Variants in R3HDM1 observed in about 807,000 individuals in gnomAD.
The protein encoded by R3HDM1 is R3H domain containing 1.
Under a neutral mutation model 141.1 loss-of-function variants are expected in R3HDM1, and 46 were observed. The observed-to-expected ratio is 0.33, with a 90% CI of 0.26 to 0.42. The LOEUF (loss-of-function observed/expected upper bound fraction) is 0.42. R3HDM1 is among the 10% of genes least tolerant of loss of function. The pLI is 1.00. For synonymous variants in R3HDM1, 435 were observed against 472.9 expected (o/e 0.92, Z 1.04); for missense variants, 1,184 against 1,368.3 (o/e 0.87, Z 2.12).
chr2:135,661,454 G>T, intron 19 of R3HDM1, 61 bp downstream of exon 19: 2 of 1,570,316 alleles, frequency 1.3e-6, no homozygotes, highest in Non-Finnish European at 1.7e-6. Context: ...TTCTATTTCA[G>T]TGTTGCTCTT....
intron 1 of R3HDM1, among the ~76,000 whole-genome samples, chr2:135,582,516 G>T (rs1360987657): frequency 5.9e-5 from 9 of 152,110 alleles, no homozygotes; most frequent in Admixed American, 5.9e-4. Context: ...TTGTGTCCCT[G>T]GGCTGTTGGC....
At chr2:135,640,843 A>G (rs930239377) in intron 14 of R3HDM1, among the ~76,000 whole-genome samples, 69 of 152,336 alleles carry the variant, frequency 4.5e-4, no homozygotes, top group African/African-American at 1.7e-3. Context: ...AAAATGGAAT[A>G]AATTGCAGGG....
At position 135,584,979 on chromosome 2, in the gene R3HDM1, C is replaced by A. The variant is rs541598360; in HGVS notation, c.-249-17521C>A. ...AATCATTTATACCCTTTGGCAAAAG[C>A]AGTAGCTCTTTATGGAAAAAAGTTA... On this transcript the variant is annotated intron_variant, in intron 1 of 26. Coordinates refer to ENST00000683871, the MANE Select transcript of R3HDM1 (RefSeq NM_001378107.1). Among the ~76,000 whole-genome samples, 31 of 152,292 alleles carry A rather than the reference C, an allele frequency of 2.0e-4. No individual in the cohort carries two copies. The South Asian group carries it at 6.2e-3, about 31-fold the overall frequency.
intron 21 of R3HDM1, among the ~76,000 whole-genome samples, chr2:135,695,061 C>T (rs1039474341): frequency 2.6e-5 from 4 of 152,106 alleles, no homozygotes; most frequent in African/African-American, 4.8e-5. Context: ...TGCCCGCCCC[C>T]CAAAAGCATT....
In R3HDM1 at chr2:135,539,665, A is replaced by G. The variant is rs191552436; in HGVS notation, c.-250+8032A>G. 3.1e-3 allele frequency among the ~76,000 whole-genome samples: 460 copies of G among 148,760 alleles called. 4 individuals are homozygous for G. Among genetic ancestry groups the G allele is most frequent in the African/African-American group, 0.011 (424 of 39,718 alleles). On this transcript the variant is annotated intron_variant, in intron 1 of 26. Coordinates refer to ENST00000683871, the MANE Select transcript of R3HDM1 (RefSeq NM_001378107.1). ...GGTTTACTACTGATGTTATCATTTG[A>G]AAAAAAAAAGAGTTTTATACAATTC... is the stretch of plus-strand genomic sequence containing the variant.
At chr2:135,629,827 T>C (rs1296408520) in intron 7 of R3HDM1, among the ~76,000 whole-genome samples, 2 of 151,750 alleles carry the variant, frequency 1.3e-5, no homozygotes, top group African/African-American at 4.8e-5. Flanking sequence ...ACAAAGGGAG[T>C]GATGTGTGAT....
At chr2:135,572,959 T>A (rs745475281) in intron 1 of R3HDM1, among the ~76,000 whole-genome samples, 1 of 152,186 alleles carries the variant, frequency 6.6e-6, no homozygotes, top group Non-Finnish European at 1.5e-5. Flanking sequence ...TAGGTAAATC[T>A]ATAGAGACAG....
At chr2:135,682,470 T>C (rs1170141533) in intron 21 of R3HDM1, among the ~76,000 whole-genome samples, 1 of 152,116 alleles carries the variant, frequency 6.6e-6, no homozygotes, top group Admixed American at 6.5e-5. Context: ...AGCATAATTA[T>C]GTTCCTGCCC....
At chr2:135,558,146 TC>T (rs1701129988) in intron 1 of R3HDM1, among the ~76,000 whole-genome samples, 2 of 152,206 alleles carry the variant, frequency 1.3e-5, no homozygotes. Flanking sequence ...TACGAAAACA[TC>T]AGTTTTCACA....
Position 135,616,179 on chromosome 2 carries a change from G to A in R3HDM1, c.199G>A (p.Gly67Arg), listed in dbSNP as rs754177782. 22 of 1,612,932 alleles carry A rather than the reference G, an allele frequency of 1.4e-5. No individual in the cohort carries two copies. The East Asian group carries it at 4.0e-4, about 29-fold the overall frequency. Residue 67 changes from glycine to arginine, a missense_variant, in exon 4 of 27, where the codon GGA becomes AGA. By Grantham distance (125) the Gly-to-Arg change is moderately radical. Around this residue, in one of 5 missense-constraint regions of R3HDM1, gnomAD observed 192 missense variants for 215.7 expected, o/e 0.89. Coordinates refer to ENST00000683871, the MANE Select transcript of R3HDM1 (RefSeq NM_001378107.1). ...QRPLQSFGQT[G>R]KRSKSSSKLK... ...GCCATTGCAGTCATTTGGACAGACAGGAAAAAGGTCTAAGGTATAGTAAAT... is the reference window on the plus strand; with the variant it reads ...GCCATTGCAGTCATTTGGACAGACAAGAAAAAGGTCTAAGGTATAGTAAAT...
At chr2:135,696,901 G>A (rs1264750331) in intron 21 of R3HDM1, among the ~76,000 whole-genome samples, 2 of 152,170 alleles carry the variant, frequency 1.3e-5, no homozygotes, top group African/African-American at 2.4e-5. Flanking sequence ...GTTAAGATAG[G>A]CCACAGGGCA....
intron 21 of R3HDM1, among the ~76,000 whole-genome samples, chr2:135,697,324 G>T (rs1344229757): frequency 6.6e-6 from 1 of 152,114 alleles, no homozygotes; most frequent in Non-Finnish European, 1.5e-5. Context: ...ATTTGTAAAG[G>T]ATTATTATTT....
rs144936370 is a variant in R3HDM1, at chr2:135,567,305, A to G, written c.-249-35195A>G. Among the ~76,000 whole-genome samples the G allele has an allele frequency of 8.5e-5, 13 of 152,350 alleles. No individual in the cohort carries two copies. The East Asian group carries it at 2.5e-3, about 29-fold the overall frequency. ...ACTTATTCCTTGGAATTATACACCC[A>G]GGTACTTTGGGTGCTGTTAATTTCT... On this transcript the variant is annotated intron_variant, in intron 1 of 26. Coordinates refer to ENST00000683871, the MANE Select transcript of R3HDM1 (RefSeq NM_001378107.1).
intron 7 of R3HDM1, among the ~76,000 whole-genome samples, chr2:135,628,085 T>C (rs2062230823): frequency 6.6e-6 from 1 of 152,198 alleles, no homozygotes. Flanking sequence ...TTTTAGATGG[T>C]TTTGGCTCAC....
At chr2:135,534,519 A>G (rs1274323858) in intron 1 of R3HDM1, among the ~76,000 whole-genome samples, 1 of 152,210 alleles carries the variant, frequency 6.6e-6, no homozygotes, top group Non-Finnish European at 1.5e-5. Context: ...GTCTTCACAT[A>G]TAATAGTGTT....
At chr2:135,611,258 C>CAA (rs78409979) in intron 3 of R3HDM1, among the ~76,000 whole-genome samples, 1 of 150,910 alleles carries the variant, frequency 6.6e-6, no homozygotes, top group African/African-American at 2.4e-5. Flanking sequence ...CCCATCTCTA[C>CAA]AAAAAAACAC....
Position 135,680,260 on chromosome 2 carries a change from A to G in R3HDM1, c.2395A>G (p.Met799Val), listed in dbSNP as rs370100935. ...MFPNQSNQGSMPTTGMPVYYS... is the reference protein window; with the variant it reads ...MFPNQSNQGSVPTTGMPVYYS... ...CCCTAATCAGTCTAATCAAGGATCT[A>G]TGCCCACAACAGGAATGCCTGTTTA... The change falls in exon 21 of 27, where the codon ATG becomes GTG. Residue 799 changes from methionine (M) to valine (V), a missense_variant. Physicochemically the swap from Met to Val is conservative, Grantham distance 21 (BLOSUM62 1). Transcript: ENST00000683871. 1.8e-4 allele frequency: 290 copies of G among 1,613,896 alleles called. No individual in the cohort carries two copies. The highest frequency in any genetic ancestry group is 2.4e-4 in the Non-Finnish European group (282 of 1,179,892).
intron 1 of R3HDM1, among the ~76,000 whole-genome samples, chr2:135,550,582 T>G (rs561026936): frequency 3.3e-5 from 5 of 152,344 alleles, no homozygotes; most frequent in East Asian, 1.9e-4. Flanking sequence ...TAAGGGGTAA[T>G]TGGTGTTCTT....
At chr2:135,715,904 G>A (rs1343948189) in intron 24 of R3HDM1, among the ~76,000 whole-genome samples, 1 of 152,106 alleles carries the variant, frequency 6.6e-6, no homozygotes, top group Admixed American at 6.6e-5. Context: ...AATTACTTCT[G>A]TTTAGTAATT....
Sources: allele counts gnomAD v4.1 joint callset (sites outside exome capture counted in the v4.1 genomes callset), GRCh38; gene constraint gnomAD v4.1.1; regional missense constraint gnomAD v4.1.1; transcripts MANE v1.5; gene names NCBI Gene and HGNC (gene_info 2026-07-23, HGNC 2026-07-21).